The following ASB14 variants were observed in gnomAD, a reference collection of about 807,000 sequenced individuals.
ASB14 encodes the protein ankyrin repeat and SOCS box containing 14, also known as ankyrin repeat and SOCS box protein 14.
A neutral mutation model predicts 55.6 loss-of-function variants in ASB14; 63 were observed. The ratio of observed to expected loss-of-function variants is 1.13; its 90% confidence interval spans 0.92 to 1.40. The LOEUF is 1.40. ASB14 is among the 40% of genes most tolerant of loss of function. ASB14 has a pLI of 0.00. For synonymous variants in ASB14, 256 were observed against 259.9 expected (o/e 0.98, Z 0.15); for missense variants, 724 against 710.4 (o/e 1.02, Z -0.22).
chr3:57,269,870 C>T (rs997223807), intron 10 of ASB14: 8 of 643,796 alleles, frequency 1.2e-5, no homozygotes, highest in Non-Finnish European at 2.0e-5. Context: ...GATCTTTTTT[C>T]CCCCTTAAAC....
At chr3:57,279,024 G>A in intron 7 of ASB14, 104 bp from the exon 8 acceptor site, 2 of 1,135,174 alleles carry the variant, frequency 1.8e-6, no homozygotes, top group Non-Finnish European at 2.4e-6. Context: ...AGTATTCAGG[G>A]GGCATTTAGA....
At chr3:57,274,133 G>GTCTATATAGCCAT (rs2060968064) in intron 10 of ASB14, among the ~76,000 whole-genome samples, 1 of 152,010 alleles carries the variant, frequency 6.6e-6, no homozygotes, top group Non-Finnish European at 1.5e-5. Context: ...TACTGAAATA[G>GTCTATATAGCCAT]TCTATATAGC....
At chr3:57,271,562 A>T (rs960331611) in intron 10 of ASB14, 12 of 152,212 alleles carry the variant, frequency 7.9e-5, no homozygotes, top group African/African-American at 2.9e-4. Context: ...TTTTGTTTAT[A>T]CTACAAATTG....
intron 7 of ASB14, 37 bp downstream of exon 7, chr3:57,280,264 CT>C: frequency 7.6e-7 from 1 of 1,320,014 alleles, no homozygotes; most frequent in Non-Finnish European, 1.0e-6. Flanking sequence ...GTAGCTATTA[CT>C]GTTTTTATTA....
chr3:57,279,270 T>C (rs201014188), intron 7 of ASB14, among the ~76,000 whole-genome samples: 60 of 132,734 alleles, frequency 4.5e-4, no homozygotes, highest in African/African-American at 1.5e-3. Flanking sequence ...TTTTCTTTTT[T>C]TTTTTTTTTT....
At chr3:57,270,709 T>C (rs1417050544) in intron 10 of ASB14, 3 of 152,612 alleles carry the variant, frequency 2.0e-5, no homozygotes, top group Non-Finnish European at 2.9e-5. Flanking sequence ...TTTGATAAAG[T>C]ACTGAATCAC....
At chr3:57,277,035 GC>G (rs2060994631) in intron 9 of ASB14, among the ~76,000 whole-genome samples, 1 of 152,130 alleles carries the variant, frequency 6.6e-6, no homozygotes, top group Admixed American at 6.5e-5. Flanking sequence ...GGAGGCCGAG[GC>G]AGGTGGATCA....
chr3:57,292,248 C>G (rs901996243), intron 1 of ASB14, 144 bp from the exon 2 acceptor site: 1 of 496,168 alleles, frequency 2.0e-6, no homozygotes, highest in Non-Finnish European at 3.3e-6. Flanking sequence ...ACAGATTCAA[C>G]AAAAATTAGA....
At chr3:57,283,780 A>C (rs1444186796) in intron 5 of ASB14, among the ~76,000 whole-genome samples, 1 of 152,062 alleles carries the variant, frequency 6.6e-6, no homozygotes. Flanking sequence ...TAGCTGCTTT[A>C]AAATAAGAAA....
At chr3:57,273,472 T>G (rs2060961572) in intron 10 of ASB14, 1 of 152,634 alleles carries the variant, frequency 6.6e-6, no homozygotes, top group Non-Finnish European at 1.5e-5. Context: ...TTTAATGAAA[T>G]ATTTGATACT....
At chr3:57,275,129 T>G (rs1489283648) in intron 10 of ASB14, among the ~76,000 whole-genome samples, 1 of 152,152 alleles carries the variant, frequency 6.6e-6, no homozygotes, top group Non-Finnish European at 1.5e-5. Context: ...TTTCCCTTTG[T>G]GTGGTTTCAG....
chr3:57,280,985 G>T (rs2061036581), intron 6 of ASB14, among the ~76,000 whole-genome samples: 1 of 152,120 alleles, frequency 6.6e-6, no homozygotes, highest in Admixed American at 6.5e-5. Flanking sequence ...AGCCAAAGAG[G>T]TAAGTTGTTG....
intron 1 of ASB14, 50 bp from the exon 2 acceptor site, chr3:57,292,154 T>A: frequency 2.6e-6 from 3 of 1,137,734 alleles, no homozygotes; most frequent in Admixed American, 3.7e-5. Flanking sequence ...TTGGTAGGAT[T>A]AACAATGAAA....
At chr3:57,270,921 C>G (rs528695007) in intron 10 of ASB14, 1 of 152,232 alleles carries the variant, frequency 6.6e-6, no homozygotes, top group African/African-American at 2.4e-5. Flanking sequence ...TAACATTTCT[C>G]TACTGCCTAT....
intron 5 of ASB14, among the ~76,000 whole-genome samples, chr3:57,283,673 G>A (rs2061056281): frequency 6.6e-6 from 1 of 152,088 alleles, no homozygotes; most frequent in Non-Finnish European, 1.5e-5. Flanking sequence ...ATTATTCATT[G>A]CTTATGTGGT....
intron 5 of ASB14, among the ~76,000 whole-genome samples, chr3:57,285,456 A>G (rs2061073795): frequency 6.6e-6 from 1 of 152,096 alleles, no homozygotes; most frequent in Non-Finnish European, 1.5e-5. Context: ...ACTTCTTACC[A>G]TAGAAAATGA....
chr3:57,284,979 A>G (rs1356411686), intron 5 of ASB14, among the ~76,000 whole-genome samples: 13 of 136,544 alleles, frequency 9.5e-5, no homozygotes, highest in Non-Finnish European at 1.5e-5. Context: ...TTGCTCTGTC[A>G]CCCAGGCTGG....
intron 5 of ASB14, among the ~76,000 whole-genome samples, chr3:57,285,799 A>T (rs543583300): frequency 6.6e-6 from 1 of 152,012 alleles, no homozygotes; most frequent in Admixed American, 6.5e-5. Flanking sequence ...ACCTGTTCCA[A>T]TCTGGACCTC....
intron 7 of ASB14, 170 bp from the exon 8 acceptor site, chr3:57,279,090 T>G (rs1252849748): frequency 3.2e-6 from 2 of 634,696 alleles, no homozygotes; most frequent in Non-Finnish European, 5.3e-6. Flanking sequence ...AGATACCAAG[T>G]AAAATTGAAT....
Sources: allele counts gnomAD v4.1 joint callset (sites outside exome capture counted in the v4.1 genomes callset), GRCh38; gene constraint gnomAD v4.1.1; transcripts MANE v1.5; gene names NCBI Gene and HGNC (gene_info 2026-07-23, HGNC 2026-07-21).